The following MAML3 variants were observed in gnomAD, a reference collection of about 807,000 sequenced individuals.
The protein encoded by MAML3 is mastermind like transcriptional coactivator 3, also known as mastermind-like protein 3.
MAML3 carries 27 observed loss-of-function variants against 101.9 expected under a neutral mutation model. The ratio of observed to expected loss-of-function variants is 0.27; its 90% confidence interval spans 0.20 to 0.37. MAML3 has a LOEUF of 0.37. Ranked by LOEUF, MAML3 falls within the 10% of genes least tolerant of loss-of-function variation. The pLI is 1.00. For synonymous variants in MAML3, 501 were observed against 555.9 expected (o/e 0.90, Z 1.39); for missense variants, 1,316 against 1,444.9 (o/e 0.91, Z 1.45).
At chr4:139,764,610 A>T (rs1729817317) in intron 2 of MAML3, among the ~76,000 whole-genome samples, 1 of 152,170 alleles carries the variant, frequency 6.6e-6, no homozygotes, top group East Asian at 1.9e-4. Context: ...TGCATGCGAG[A>T]GCACTTTGTG....
At chr4:139,809,162 C>T (rs533127046) in intron 2 of MAML3, among the ~76,000 whole-genome samples, 2 of 152,294 alleles carry the variant, frequency 1.3e-5, no homozygotes, top group South Asian at 4.1e-4. Flanking sequence ...CTGACAGCTG[C>T]CTTTTGTTTT....
At chr4:140,020,277 A>T (rs1253622019) in intron 1 of MAML3, among the ~76,000 whole-genome samples, 1 of 151,926 alleles carries the variant, frequency 6.6e-6, no homozygotes, top group Admixed American at 6.6e-5. Flanking sequence ...CAAACAAAAG[A>T]CTCTTTTTCT....
chr4:140,061,416 A>G (rs185234433), intron 1 of MAML3, among the ~76,000 whole-genome samples: 2 of 152,352 alleles, frequency 1.3e-5, no homozygotes, highest in African/African-American at 4.8e-5. Flanking sequence ...ACAGCAATCT[A>G]GCACAGCTAA....
chr4:139,936,454 T>C (rs1266866870), intron 1 of MAML3, among the ~76,000 whole-genome samples: 1 of 152,220 alleles, frequency 6.6e-6, no homozygotes, highest in Non-Finnish European at 1.5e-5. Flanking sequence ...TTTTAATGTT[T>C]TGAGGGACCT....
chr4:139,828,964 C>A (rs1197746925), intron 2 of MAML3, among the ~76,000 whole-genome samples: 2 of 139,146 alleles, frequency 1.4e-5, no homozygotes, highest in Non-Finnish European at 3.0e-5. Flanking sequence ...CAGAGTAAGA[C>A]CCTGTTGAAA....
intron 1 of MAML3, among the ~76,000 whole-genome samples, chr4:140,058,633 G>A (rs553678997): frequency 6.6e-6 from 1 of 151,718 alleles, no homozygotes; most frequent in South Asian, 2.1e-4. Flanking sequence ...GCCTGTCTCA[G>A]TTATTTCATG....
chr4:140,116,516 G>T (rs980139184), intron 1 of MAML3, among the ~76,000 whole-genome samples: 1 of 152,174 alleles, frequency 6.6e-6, no homozygotes, highest in Admixed American at 6.5e-5. Flanking sequence ...AAATACAAAA[G>T]AGAACACAAG....
intron 1 of MAML3, among the ~76,000 whole-genome samples, chr4:140,114,017 T>C (rs978256834): frequency 6.6e-6 from 1 of 152,232 alleles, no homozygotes; most frequent in Non-Finnish European, 1.5e-5. Context: ...TTCGTGCTAC[T>C]GATCATGCTG....
At chr4:139,760,540 C>T (rs1173072449) in intron 2 of MAML3, among the ~76,000 whole-genome samples, 1 of 152,168 alleles carries the variant, frequency 6.6e-6, no homozygotes, top group East Asian at 1.9e-4. Flanking sequence ...CGCTCAATAA[C>T]TTTATAATTA....
Position 139,839,690 on chromosome 4 carries a change from C to T in MAML3, c.2079+49667G>A, listed in dbSNP as rs1175869879. Among the ~76,000 whole-genome samples, 5 of 152,134 alleles carry T rather than the reference C, an allele frequency of 3.3e-5. No homozygotes were observed. In the East Asian group the frequency reaches 9.6e-4, roughly 29 times the overall value. On this transcript the variant is annotated intron_variant, in intron 2 of 4. Coordinates refer to ENST00000509479, the MANE Select transcript of MAML3 (RefSeq NM_018717.5). Reference sequence around the variant, plus strand: ...AATAAATTCATCACTCATGGGCTCTCAAGGGATGGAAACCGTGCATTTTTT... The same window carrying T: ...AATAAATTCATCACTCATGGGCTCTTAAGGGATGGAAACCGTGCATTTTTT...
intron 2 of MAML3, among the ~76,000 whole-genome samples, chr4:139,861,041 C>T (rs1171113224): frequency 1.3e-5 from 2 of 152,074 alleles, no homozygotes; most frequent in East Asian, 3.9e-4. Flanking sequence ...AAGATATATA[C>T]ATCTGTATAT....
intron 1 of MAML3, among the ~76,000 whole-genome samples, chr4:140,110,002 T>C (rs1728413743): frequency 6.6e-6 from 1 of 152,142 alleles, no homozygotes; most frequent in Admixed American, 6.5e-5. Flanking sequence ...TTGCAAAAAC[T>C]AAAAGGAATC....
chr4:139,802,951 T>C (rs544856817), intron 2 of MAML3, among the ~76,000 whole-genome samples: 1 of 152,368 alleles, frequency 6.6e-6, no homozygotes, highest in East Asian at 1.9e-4. Flanking sequence ...AATTTTACTC[T>C]ATAGCAAACA....
chr4:139,857,181 G>A (rs1468671940), intron 2 of MAML3, among the ~76,000 whole-genome samples: 1 of 152,164 alleles, frequency 6.6e-6, no homozygotes, highest in East Asian at 1.9e-4. Context: ...GGCAGGAAGA[G>A]GTTTAAAAGA....
At position 139,873,919 on chromosome 4, in the gene MAML3, G is replaced by A. The variant is rs145037662; in HGVS notation, c.2079+15438C>T. ...TGAAGTGGCTATGTTTTGAGCATAAGTTGTTACACAGCAATAGATAACTAA... is the reference window on the plus strand; with the variant it reads ...TGAAGTGGCTATGTTTTGAGCATAAATTGTTACACAGCAATAGATAACTAA... On this transcript the variant is annotated intron_variant, in intron 2 of 4. Transcript: ENST00000509479. Among the ~76,000 whole-genome samples, 644 of 152,344 alleles carry A rather than the reference G, an allele frequency of 4.2e-3. 7 individuals carry two copies. The highest frequency in any genetic ancestry group is 0.014 in the African/African-American group (603 of 41,592).
chr4:139,756,816 G>T (rs1479370579), intron 2 of MAML3, among the ~76,000 whole-genome samples: 1 of 152,108 alleles, frequency 6.6e-6, no homozygotes, highest in Non-Finnish European at 1.5e-5. Context: ...AATTATCTGG[G>T]GAAACACCCA....
At chr4:140,083,967 CAGAGAGAGAG>C (rs72201205) in intron 1 of MAML3, among the ~76,000 whole-genome samples, 19,904 of 80,190 alleles carry the variant, frequency 0.25, 1,469 homozygotes, top group Middle Eastern at 0.34. Context: ...CACACACACA[CAGAGAGAGAG>C]AGAGAGAGAG....
intron 1 of MAML3, among the ~76,000 whole-genome samples, chr4:139,987,590 G>A (rs1734564679): frequency 6.6e-6 from 1 of 152,070 alleles, no homozygotes; most frequent in Non-Finnish European, 1.5e-5. Flanking sequence ...TGGCATCTTT[G>A]TTCTCCCTGC....
At chr4:139,849,254 T>A (rs1003907252) in intron 2 of MAML3, among the ~76,000 whole-genome samples, 3 of 152,178 alleles carry the variant, frequency 2.0e-5, no homozygotes, top group Non-Finnish European at 4.4e-5. Context: ...GCTGTGTAGG[T>A]GTGAATGCAA....
Sources: gnomAD v4.1 joint callset for allele counts (sites outside exome capture counted in the v4.1 genomes callset) on GRCh38, gnomAD v4.1.1 for gene constraint, MANE v1.5 for transcripts, NCBI Gene and HGNC (gene_info 2026-07-23, HGNC 2026-07-21) for gene names.